GXYLT2: variants seen among roughly 807,000 people sequenced by gnomAD.
The protein encoded by GXYLT2 is glycosyltransferase 8 domain containing 4.
Under a neutral mutation model 45.8 loss-of-function variants are expected in GXYLT2, and 53 were observed. The observed-to-expected ratio is 1.16, with a 90% CI of 0.93 to 1.46. The LOEUF (loss-of-function observed/expected upper bound fraction) is 1.46. Ranked by LOEUF, GXYLT2 falls within the 40% of genes most tolerant of loss-of-function variation. GXYLT2 has a pLI of 0.00. For missense variants in GXYLT2, 551 were observed against 544.4 expected (o/e 1.01, Z -0.12); for synonymous variants, 219 against 214.2 (o/e 1.02, Z -0.19).
In GXYLT2 at chr3:72,896,891, T is replaced by G. The variant is rs147655619; in HGVS notation, c.275+8383T>G. Among the ~76,000 whole-genome samples, 983 of 151,920 alleles carry G rather than the reference T, an allele frequency of 6.5e-3. 13 individuals carry two copies. Among genetic ancestry groups the G allele is most frequent in the African/African-American group, 0.023 (938 of 41,444 alleles). On this transcript the variant is annotated intron_variant, in intron 1 of 6. Coordinates refer to ENST00000389617, the MANE Select transcript of GXYLT2 (RefSeq NM_001080393.2). ...AATGTTTACTAGCAGTTCAAATCCGTTTTGTAGTAAGGTAGAATGTTGACA... is the reference window on the plus strand; with the variant it reads ...AATGTTTACTAGCAGTTCAAATCCGGTTTGTAGTAAGGTAGAATGTTGACA...
chr3:72,945,776 A>G (rs1710391394), intron 3 of GXYLT2, among the ~76,000 whole-genome samples: 1 of 152,186 alleles, frequency 6.6e-6, no homozygotes, highest in Admixed American at 6.5e-5. Flanking sequence ...AGTCTCAGGG[A>G]AAGAGGGCAG....
intron 3 of GXYLT2, among the ~76,000 whole-genome samples, chr3:72,949,727 A>T (rs1214624692): frequency 6.6e-6 from 1 of 151,352 alleles, no homozygotes; most frequent in African/African-American, 2.4e-5. Context: ...GTTGGCCAGG[A>T]TGGTCTTTAT....
intron 3 of GXYLT2, among the ~76,000 whole-genome samples, chr3:72,945,825 A>G (rs1164379009): frequency 2.6e-5 from 4 of 152,212 alleles, no homozygotes; most frequent in African/African-American, 9.6e-5. Context: ...ATCAGCAGAT[A>G]TGATTGGGAA....
At chr3:72,946,556 A>G (rs1199241745) in intron 3 of GXYLT2, among the ~76,000 whole-genome samples, 1 of 152,144 alleles carries the variant, frequency 6.6e-6, no homozygotes, top group Non-Finnish European at 1.5e-5. Flanking sequence ...TCTGGTGAGG[A>G]CCTGCTTCCT....
intron 5 of GXYLT2, among the ~76,000 whole-genome samples, chr3:72,963,770 C>G (rs1481590749): frequency 6.7e-6 from 1 of 150,300 alleles, no homozygotes; most frequent in East Asian, 2.0e-4. Context: ...CCTCCCAGGT[C>G]CAAGCAATTT....
chr3:72,893,775 T>C (rs1709228902), intron 1 of GXYLT2, among the ~76,000 whole-genome samples: 1 of 152,212 alleles, frequency 6.6e-6, no homozygotes, highest in Admixed American at 6.5e-5. Context: ...GGGTCTTTAA[T>C]AGTAACACCA....
At chr3:72,921,581 A>G (rs1709834041) in intron 2 of GXYLT2, among the ~76,000 whole-genome samples, 1 of 152,048 alleles carries the variant, frequency 6.6e-6, no homozygotes, top group African/African-American at 2.4e-5. Flanking sequence ...GGCATGTGCC[A>G]CCATGCCCAG....
At chr3:72,929,282 A>G in intron 3 of GXYLT2, 34 of 1,338,680 alleles carry the variant, frequency 2.5e-5, no homozygotes, top group Non-Finnish European at 3.5e-5. Flanking sequence ...AGGTGGCCGA[A>G]TCTTCCTTCA....
intron 6 of GXYLT2, among the ~76,000 whole-genome samples, chr3:72,970,344 C>G (rs1710964006): frequency 6.6e-6 from 1 of 150,984 alleles, no homozygotes; most frequent in Non-Finnish European, 1.5e-5. Context: ...GAGCGACACT[C>G]CATCTCAAAA....
chr3:72,929,144 T>G, intron 3 of GXYLT2: 1 of 1,589,462 alleles, frequency 6.3e-7, no homozygotes, highest in Non-Finnish European at 8.5e-7. Flanking sequence ...CTCCTACGTT[T>G]ACCTGTCCAT....
chr3:72,932,337 C>G (rs1710054448), intron 3 of GXYLT2, among the ~76,000 whole-genome samples: 1 of 152,218 alleles, frequency 6.6e-6, no homozygotes, highest in Admixed American at 6.5e-5. Context: ...GGATTACAGA[C>G]ATGAGCCACC....
chr3:72,959,931 G>T (rs1388012545), intron 5 of GXYLT2, among the ~76,000 whole-genome samples: 1 of 150,708 alleles, frequency 6.6e-6, no homozygotes, highest in African/African-American at 2.5e-5. Flanking sequence ...CACCATGACC[G>T]GTTTTGTGTT....
In GXYLT2 at chr3:72,908,515, C is replaced by T. The variant is rs758727503; in HGVS notation, c.424C>T (p.His142Tyr). ...TTTTAGCCACAGGAAGATCCAATTC[C>T]ACATCTTCACTGAAGACTCTCTGAA... ...VLFSHRKIQF[H>Y]IFTEDSLKPE... The change falls in exon 2 of 7, where the codon CAC (histidine) becomes TAC (tyrosine). Residue 142 changes from histidine (H) to tyrosine (Y), a missense_variant. Coordinates refer to ENST00000389617, the MANE Select transcript of GXYLT2 (RefSeq NM_001080393.2). 51 of 1,613,326 alleles carry T rather than the reference C, an allele frequency of 3.2e-5. No homozygotes were observed. Among genetic ancestry groups the T allele is most frequent in the Non-Finnish European group, 1.4e-5 (17 of 1,179,776 alleles).
chr3:72,907,223 C>G (rs1024463021), intron 1 of GXYLT2, among the ~76,000 whole-genome samples: 14 of 152,232 alleles, frequency 9.2e-5, no homozygotes, highest in Admixed American at 9.2e-4. Flanking sequence ...TTAGCTGAGC[C>G]ATGAGGCTGT....
intron 2 of GXYLT2, among the ~76,000 whole-genome samples, chr3:72,911,302 G>C (rs187894730): frequency 6.6e-6 from 1 of 151,862 alleles, no homozygotes; most frequent in African/African-American, 2.4e-5. Flanking sequence ...AAAAAATAAC[G>C]AAAGGGAAGG....
intron 1 of GXYLT2, among the ~76,000 whole-genome samples, chr3:72,895,114 A>G (rs566157339): frequency 8.5e-5 from 13 of 152,338 alleles, no homozygotes; most frequent in Non-Finnish European, 1.8e-4. Flanking sequence ...GCTTTACATT[A>G]TGCAACTCAG....
At chr3:72,971,305 A>C (rs1710982380) in intron 6 of GXYLT2, among the ~76,000 whole-genome samples, 1 of 152,228 alleles carries the variant, frequency 6.6e-6, no homozygotes, top group South Asian at 2.1e-4. Flanking sequence ...TATAGTTTTC[A>C]TTCAGGCATT....
intron 3 of GXYLT2, among the ~76,000 whole-genome samples, chr3:72,950,499 C>T (rs1269057354): frequency 6.6e-6 from 1 of 152,038 alleles, no homozygotes; most frequent in East Asian, 1.9e-4. Flanking sequence ...GCCGCGGTAA[C>T]TCATGCCTGT....
intron 3 of GXYLT2, among the ~76,000 whole-genome samples, chr3:72,946,519 G>A (rs1710409769): frequency 6.6e-6 from 1 of 152,038 alleles, no homozygotes; most frequent in Non-Finnish European, 1.5e-5. Context: ...CTAAGATAAA[G>A]GCACCAAAAG....
Sources: allele counts gnomAD v4.1 joint callset (sites outside exome capture counted in the v4.1 genomes callset), GRCh38; gene constraint gnomAD v4.1.1; transcripts MANE v1.5; gene names NCBI Gene and HGNC (gene_info 2026-07-23, HGNC 2026-07-21).